KIF21A: variants seen among roughly 807,000 people sequenced by gnomAD.
The protein encoded by KIF21A is kinesin family member 21A, also known as kinesin-like protein KIF21A.
Under a neutral mutation model 202.9 loss-of-function variants are expected in KIF21A, and 114 were observed. The ratio of observed to expected loss-of-function variants is 0.56; its 90% CI spans 0.48 to 0.66. KIF21A has a LOEUF of 0.66. Among genes scored for constraint, KIF21A ranks in the 30% least tolerant of loss-of-function variants. KIF21A has a pLI of 0.00. For missense variants in KIF21A, 1,677 were observed against 1,994.9 expected, an observed-to-expected ratio of 0.84 and a Z score of 3.04; for synonymous variants, 667 against 670.8, an observed-to-expected ratio of 0.99 and a Z score of 0.09.
rs777005628 is a variant in KIF21A, at chr12:39,325,823, T to C, written c.3456+16A>G. 1.3e-6 allele frequency: 2 copies of C among 1,584,590 alleles called. No homozygotes were observed. The highest frequency in any genetic ancestry group is 2.2e-5 in the South Asian group (2 of 90,466). On this transcript the variant is annotated intron_variant, in intron 26 of 37. Transcript: ENST00000361418. ...GGTGTAAAACATGTTTACCTGATAC[T>C]TTTAGTTCTCCTTACCTTGTTCTTA...
At chr12:39,436,422 T>A (rs1477443388) in intron 1 of KIF21A, among the ~76,000 whole-genome samples, 12 of 99,086 alleles carry the variant, frequency 1.2e-4, no homozygotes, top group African/African-American at 4.5e-4. Context: ...GTTTACTATA[T>A]TATATATATA....
rs56245570 is a variant in KIF21A at position 39,441,660 on chromosome 12, T to TAAAAA, written c.44+1262_44+1266dup. ...ATAAAACTGTCACCTCCCTGGGTGG[T>TAAAAA]AAAAAAAAAAAAAAAAAAAACACTT... On this transcript the variant is annotated intron_variant, in intron 1 of 37. Transcript: ENST00000361418. Among the ~76,000 whole-genome samples the TAAAAA allele has an allele frequency of 5.9e-3, 224 of 37,766 alleles. 43 individuals carry two copies. Among genetic ancestry groups the TAAAAA allele is most frequent in the East Asian group, 0.022 (52 of 2,372 alleles). 24.8% of individuals were successfully genotyped at this position (37,766 alleles called of 152,430 possible). A position where few individuals can be genotyped will look rare whatever the true frequency, so the allele number is the denominator to read the frequency against.
chr12:39,430,919 T>C (rs929715181), intron 1 of KIF21A, among the ~76,000 whole-genome samples: 1 of 152,168 alleles, frequency 6.6e-6, no homozygotes, highest in Non-Finnish European at 1.5e-5. Context: ...TCCTTCACCA[T>C]GGTACTATGC....
chr12:39,301,304 C>T (rs1387836613), intron 37 of KIF21A, among the ~76,000 whole-genome samples, 176 bp downstream of exon 37: 2 of 152,160 alleles, frequency 1.3e-5, no homozygotes, highest in Admixed American at 6.5e-5. Flanking sequence ...ACCTGGGGTG[C>T]CTAAATTCAG....
intron 13 of KIF21A, 105 bp from the exon 14 acceptor site, chr12:39,341,727 TTCACTTG>T (rs772899490): frequency 3.1e-4 from 388 of 1,240,118 alleles, no homozygotes; most frequent in Non-Finnish European, 3.8e-4. Flanking sequence ...CATAAAAAAA[TTCACTTG>T]TCATCAGTAT....
At chr12:39,313,875 G>A (rs1944263251) in intron 31 of KIF21A, among the ~76,000 whole-genome samples, 1 of 151,730 alleles carries the variant, frequency 6.6e-6, no homozygotes, top group African/African-American at 2.4e-5. Flanking sequence ...AAAAATTGGA[G>A]CCTTTACAAA....
chr12:39,353,957 G>A (rs940955215), intron 10 of KIF21A, among the ~76,000 whole-genome samples: 3 of 152,052 alleles, frequency 2.0e-5, no homozygotes, highest in Non-Finnish European at 4.4e-5. Flanking sequence ...GAGGGCAAGT[G>A]TACAAACTTC....
Position 39,337,097 on chromosome 12 carries a change from T to A in KIF21A, c.2417A>T (p.Asp806Val). The A allele has an allele frequency of 1.3e-6, 2 of 1,579,934 alleles. No homozygotes were observed. Among genetic ancestry groups the A allele is most frequent in the Non-Finnish European group, 1.7e-6 (2 of 1,150,822 alleles). The change falls in exon 17 of 38, where the codon GAT becomes GTT. Residue 806 changes from aspartate (D) to valine (V), a missense_variant and splice_region_variant. Physicochemically the swap from Asp to Val is radical, Grantham distance 152. Around this residue, in one of 3 missense-constraint regions of KIF21A, gnomAD observed 966 missense variants for 1,180.9 expected, o/e 0.82. Coordinates refer to ENST00000361418, the MANE Select transcript of KIF21A (RefSeq NM_001173464.2). ...AQLKKDQRKR[D>V]HQLRLLEAQK... ...AACTGAGAGTTAAAATCCACTTACA[T>A]CTCTTTTACGTTGATCCTTTTTCAA...
intron 32 of KIF21A, 123 bp from the exon 33 acceptor site, chr12:39,309,889 A>G (rs1943852462): frequency 1.3e-5 from 11 of 837,366 alleles, no homozygotes; most frequent in East Asian, 2.7e-5. Flanking sequence ...AGTAATTAAC[A>G]TACCACAAGG....
chr12:39,337,429 A>G, intron 16 of KIF21A: 1 of 494,228 alleles, frequency 2.0e-6, no homozygotes, highest in Non-Finnish European at 3.6e-6. Flanking sequence ...TTTTGTATTC[A>G]ATATTCAGTT....
intron 37 of KIF21A, among the ~76,000 whole-genome samples, chr12:39,301,146 G>C (rs145886203): frequency 1.3e-5 from 2 of 152,270 alleles, no homozygotes; most frequent in African/African-American, 4.8e-5. Context: ...CAAATATGAA[G>C]AATGGCAAAT....
intron 1 of KIF21A, among the ~76,000 whole-genome samples, chr12:39,403,666 T>C (rs1246724395): frequency 6.6e-6 from 1 of 152,176 alleles, no homozygotes; most frequent in East Asian, 1.9e-4. Context: ...GAAGATAAAA[T>C]GGCAATAGAT....
At chr12:39,417,912 A>C (rs923710307) in intron 1 of KIF21A, among the ~76,000 whole-genome samples, 1 of 152,152 alleles carries the variant, frequency 6.6e-6, no homozygotes, top group Non-Finnish European at 1.5e-5. Flanking sequence ...TGTCATTTAA[A>C]TAAGCAAAGA....
At chr12:39,397,816 G>C (rs1362282991) in intron 1 of KIF21A, among the ~76,000 whole-genome samples, 1 of 152,186 alleles carries the variant, frequency 6.6e-6, no homozygotes, top group Admixed American at 6.5e-5. Context: ...AGCAACTCAA[G>C]TGGTGGCAAA....
intron 37 of KIF21A, among the ~76,000 whole-genome samples, chr12:39,296,843 C>T (rs1446879555): frequency 2.0e-5 from 3 of 152,192 alleles, no homozygotes; most frequent in Non-Finnish European, 4.4e-5. Context: ...CTCAACTCTA[C>T]ATGAAATGGA....
Position 39,376,558 on chromosome 12 carries a change from C to G in KIF21A, c.45-6297G>C, listed in dbSNP as rs1592417216. 2.0e-5 allele frequency among the ~76,000 whole-genome samples: 3 copies of G among 152,062 alleles called. No homozygotes were observed. The South Asian group carries it at 6.2e-4, about 31-fold the overall frequency. Reference sequence around the variant, plus strand: ...ACTAAACTGAATTAAATGCTAGTGACTACAATATTGACAAATGAGCTACTG... The same window carrying G: ...ACTAAACTGAATTAAATGCTAGTGAGTACAATATTGACAAATGAGCTACTG... On this transcript the variant is annotated intron_variant, in intron 1 of 37. Transcript: ENST00000361418.
At chr12:39,299,056 C>T (rs146081292) in intron 37 of KIF21A, among the ~76,000 whole-genome samples, 5 of 151,924 alleles carry the variant, frequency 3.3e-5, no homozygotes, top group Admixed American at 3.3e-4. Context: ...GGTTATTTTC[C>T]TGTGATTTTG....
In KIF21A at chr12:39,365,723, T is replaced by C. The variant is rs146217562; in HGVS notation, c.903+627A>G. Reference sequence around the variant, plus strand: ...ACCCATGAAATAACTTAATATTAAATTTTGGGCCAAGCGCAGTGGCTCGCG... The same window carrying C: ...ACCCATGAAATAACTTAATATTAAACTTTGGGCCAAGCGCAGTGGCTCGCG... On this transcript the variant is annotated intron_variant, in intron 6 of 37. Coordinates refer to ENST00000361418, the MANE Select transcript of KIF21A (RefSeq NM_001173464.2). 2.2e-3 allele frequency among the ~76,000 whole-genome samples: 338 copies of C among 152,326 alleles called. 1 individual carries two copies. The highest frequency in any genetic ancestry group is 7.7e-3 in the African/African-American group (319 of 41,588).
chr12:39,389,020 T>A (rs1339399361), intron 1 of KIF21A, among the ~76,000 whole-genome samples: 1 of 152,170 alleles, frequency 6.6e-6, no homozygotes, highest in African/African-American at 2.4e-5. Context: ...AAATTTTGTA[T>A]TAGTACATAT....
Sources: allele counts gnomAD v4.1 joint callset (sites outside exome capture counted in the v4.1 genomes callset), GRCh38; gene constraint gnomAD v4.1.1; regional missense constraint gnomAD v4.1.1; transcripts MANE v1.5; gene names NCBI Gene and HGNC (gene_info 2026-07-23, HGNC 2026-07-21).